The following TBC1D5 variants were observed in gnomAD, a reference collection of about 807,000 sequenced individuals.
TBC1D5 encodes TBC1 domain family member 5.
Under a neutral mutation model 100.3 loss-of-function variants are expected in TBC1D5, and 75 were observed. That is an observed-to-expected ratio of 0.75 (90% CI 0.62 to 0.91). TBC1D5 has a LOEUF of 0.91. Among genes scored for constraint, TBC1D5 ranks in the 40% least tolerant of loss-of-function variants. TBC1D5 has a pLI of 0.00. For synonymous variants in TBC1D5, 323 were observed against 325.6 expected, an observed-to-expected ratio of 0.99 and a Z score of 0.09; for missense variants, 910 against 942.4, an observed-to-expected ratio of 0.97 and a Z score of 0.45.
chr3:17,497,971 T>A (rs191266193), intron 3 of TBC1D5, among the ~76,000 whole-genome samples: 17 of 152,240 alleles, frequency 1.1e-4, no homozygotes, highest in African/African-American at 3.4e-4. Flanking sequence ...ACAAAAATTA[T>A]CAAGTGGTAG....
At chr3:17,351,581 G>A (rs772079728) in intron 13 of TBC1D5, among the ~76,000 whole-genome samples, 5 of 152,018 alleles carry the variant, frequency 3.3e-5, no homozygotes, top group African/African-American at 4.8e-5. Context: ...GCCTTTCAGC[G>A]GGTGGGGAGC....
chr3:17,336,051 C>T (rs897347165), intron 13 of TBC1D5, among the ~76,000 whole-genome samples: 19 of 152,024 alleles, frequency 1.2e-4, no homozygotes, highest in African/African-American at 4.6e-4. Context: ...AGGAATGGGG[C>T]TAACAGTGTA....
intron 18 of TBC1D5, 134 bp from the exon 20 acceptor site, chr3:17,185,342 C>A: frequency 5.0e-6 from 3 of 595,272 alleles, no homozygotes; most frequent in East Asian, 3.0e-5. Flanking sequence ...AAATAGCAAA[C>A]AAAAACAAAA....
At chr3:17,454,454 T>C (rs985983671) in intron 3 of TBC1D5, among the ~76,000 whole-genome samples, 3 of 152,126 alleles carry the variant, frequency 2.0e-5, no homozygotes, top group African/African-American at 7.2e-5. Context: ...TAAAAATCAA[T>C]AGCATCTTTT....
intron 2 of TBC1D5, among the ~76,000 whole-genome samples, chr3:17,582,756 A>C (rs1448137416): frequency 6.6e-6 from 1 of 151,810 alleles, no homozygotes; most frequent in East Asian, 1.9e-4. Context: ...TTAAACTCTG[A>C]TTAAAAAAAC....
chr3:17,288,159 T>G, intron 15 of TBC1D5, among the ~76,000 whole-genome samples: 1 of 152,218 alleles, frequency 6.6e-6, no homozygotes, highest in Non-Finnish European at 1.5e-5. Context: ...TTCCCTCTTT[T>G]TTTCCCCCTT....
intron 4 of TBC1D5, among the ~76,000 whole-genome samples, chr3:17,414,175 G>T (rs1213027310): frequency 6.6e-6 from 1 of 152,160 alleles, no homozygotes; most frequent in Non-Finnish European, 1.5e-5. Flanking sequence ...GAACAAAGTG[G>T]CTACAGCAGG....
chr3:17,207,029 G>A (rs1374485439), intron 18 of TBC1D5, among the ~76,000 whole-genome samples: 1 of 152,076 alleles, frequency 6.6e-6, no homozygotes, highest in Non-Finnish European at 1.5e-5. Context: ...TGAACTCCTG[G>A]GCTCAAGTGA....
chr3:17,651,009 T>C (rs1370530791), intron 1 of TBC1D5, among the ~76,000 whole-genome samples: 2 of 152,210 alleles, frequency 1.3e-5, no homozygotes, highest in East Asian at 1.9e-4. Flanking sequence ...ATTAAAAATA[T>C]GGCAACAATA....
At chr3:17,340,915 A>T (rs1201382614) in intron 13 of TBC1D5, among the ~76,000 whole-genome samples, 1 of 152,226 alleles carries the variant, frequency 6.6e-6, no homozygotes, top group Non-Finnish European at 1.5e-5. Context: ...CCACTGGGTC[A>T]TCTCACTGTA....
At chr3:17,242,865 A>C (rs890185206) in intron 16 of TBC1D5, among the ~76,000 whole-genome samples, 5 of 152,166 alleles carry the variant, frequency 3.3e-5, no homozygotes, top group Non-Finnish European at 7.4e-5. Flanking sequence ...CTTTGAAATG[A>C]ATATCTTTTA....
At chr3:17,460,720 G>T (rs970043044) in intron 3 of TBC1D5, among the ~76,000 whole-genome samples, 1 of 150,896 alleles carries the variant, frequency 6.6e-6, no homozygotes, top group African/African-American at 2.4e-5. Flanking sequence ...TGCCAAAAAA[G>T]GATGCAACAC....
intron 13 of TBC1D5, among the ~76,000 whole-genome samples, chr3:17,310,552 T>G (rs2083909277): frequency 6.6e-6 from 1 of 152,022 alleles, no homozygotes; most frequent in Non-Finnish European, 1.5e-5. Context: ...CTATACACTT[T>G]GCTAAGTGCT....
At chr3:17,557,018 A>C (rs2096526516) in intron 2 of TBC1D5, among the ~76,000 whole-genome samples, 1 of 152,228 alleles carries the variant, frequency 6.6e-6, no homozygotes, top group Non-Finnish European at 1.5e-5. Flanking sequence ...CACAACCTAA[A>C]GTACCTTCCT....
chr3:17,423,732 T>C (rs1049977038), intron 4 of TBC1D5, among the ~76,000 whole-genome samples: 2 of 152,318 alleles, frequency 1.3e-5, no homozygotes, highest in South Asian at 2.1e-4. Flanking sequence ...GATGATTTAC[T>C]ACAGTTTATA....
Position 17,253,983 on chromosome 3 carries a change from G to T in TBC1D5, c.1331+4523C>A, listed in dbSNP as rs557949898. Reference sequence around the variant, plus strand: ...AGCCGACTATGGGACTTAAGTACACGTGGATTTGGCTATATGCAGGTGGTC... The same window carrying T: ...AGCCGACTATGGGACTTAAGTACACTTGGATTTGGCTATATGCAGGTGGTC... On this transcript the variant is annotated intron_variant, in intron 16 of 21. Coordinates refer to ENST00000253692, the Ensembl canonical transcript of TBC1D5. 3.3e-5 allele frequency among the ~76,000 whole-genome samples: 5 copies of T among 152,294 alleles called. No individual in the cohort carries two copies. The South Asian group carries it at 1.0e-3, about 32-fold the overall frequency.
At chr3:17,646,937 A>T (rs2065070612) in intron 1 of TBC1D5, 1 of 151,718 alleles carries the variant, frequency 6.6e-6, no homozygotes, top group South Asian at 2.1e-4. Flanking sequence ...CCTTATTTCC[A>T]TCTTTATGTC....
At chr3:17,189,462 T>C (rs1234965394) in intron 18 of TBC1D5, among the ~76,000 whole-genome samples, 1 of 152,128 alleles carries the variant, frequency 6.6e-6, no homozygotes, top group Non-Finnish European at 1.5e-5. Flanking sequence ...TGGTGCCCTA[T>C]AGCAAAGGAC....
intron 2 of TBC1D5, among the ~76,000 whole-genome samples, chr3:17,571,266 CT>C (rs1182050742): frequency 6.6e-6 from 1 of 151,920 alleles, no homozygotes; most frequent in Non-Finnish European, 1.5e-5. Context: ...TACCTTTGTA[CT>C]TTGTCATGGT....
Sources: gnomAD v4.1 joint callset for allele counts (sites outside exome capture counted in the v4.1 genomes callset) on GRCh38, gnomAD v4.1.1 for gene constraint, MANE v1.5 for transcripts, NCBI Gene and HGNC (gene_info 2026-07-23, HGNC 2026-07-21) for gene names.